Variants in OR13C5 observed in about 807,000 individuals in gnomAD.
The protein encoded by OR13C5 is olfactory receptor 13C5.
A neutral mutation model predicts 12.4 loss-of-function variants in OR13C5; 9 were observed. The ratio of observed to expected loss-of-function variants is 0.72; its 90% CI spans 0.44 to 1.26. The LOEUF is 1.26. Among genes scored for constraint, OR13C5 ranks in the 50% most tolerant of loss-of-function variants. The pLI is 0.00. For missense variants in OR13C5, 361 were observed against 374.4 expected, an observed-to-expected ratio of 0.96 and a Z score of 0.29; for synonymous variants, 124 against 139.4, an observed-to-expected ratio of 0.89 and a Z score of 0.78.
rs1273058392 is a variant in OR13C5 at position 104,599,131 on chromosome 9, A to G, written c.283T>C (p.Ser95Pro). The G allele has an allele frequency of 6.2e-7, 1 of 1,613,328 alleles. No individual in the cohort carries two copies. The highest frequency in any genetic ancestry group is 8.5e-7 in the Non-Finnish European group (1 of 1,179,852). ...FLSERKTISL[S>P]GCAVQMFLSL... The stretch of plus-strand genomic sequence containing the variant: ...AGGAACATCTGCACTGCACAGCCAG[A>G]AAGGGAAATGGTCTTTCTTTCTGAA... Residue 95 changes from serine (S) to proline (P), a missense_variant, in exon 1 of 1, where the codon TCT (serine) becomes CCT (proline). Around this residue, in one of 2 missense-constraint regions of OR13C5, gnomAD observed 294 missense variants for 268.0 expected, o/e 1.10. Transcript: ENST00000374779.
Position 104,598,855 on chromosome 9 carries a change from G to A in OR13C5, c.559C>T (p.Leu187=), listed in dbSNP as rs1826228101. The A allele has an allele frequency of 2.5e-6, 4 of 1,614,072 alleles. No individual in the cohort carries two copies. In the East Asian group the frequency reaches 6.7e-5, roughly 27 times the overall value. ...TTGCCTGAGATGTCAGCACAGGCCA[G>A]TTTCATGACAGCTAGAATTTCACAG... is the stretch of plus-strand genomic sequence containing the variant. ...FTCEILAVMK[L]ACADISGNEF... Residue 187 remains leucine (L), a synonymous_variant, in exon 1 of 1, where the codon CTG becomes TTG. Coordinates refer to ENST00000374779, the MANE Select transcript of OR13C5 (RefSeq NM_001004482.1).
At position 104,599,141 on chromosome 9, in the gene OR13C5, G is replaced by A; in HGVS notation, c.273C>T (p.Thr91=). ...GCACTGCACAGCCAGAAAGGGAAAT[G>A]GTCTTTCTTTCTGAAAGGAAGCTCA... ...TLVSFLSERK[T]ISLSGCAVQM... Residue 91 remains threonine, a synonymous_variant, in exon 1 of 1, where the codon ACC becomes ACT. Transcript: ENST00000374779. 2 of 1,613,118 alleles carry A rather than the reference G, an allele frequency of 1.2e-6. No individual in the cohort carries two copies. Among genetic ancestry groups the A allele is most frequent in the Non-Finnish European group, 1.7e-6 (2 of 1,179,818 alleles).
rs373750224 is a variant in OR13C5 at position 104,598,908 on chromosome 9, C to A, written c.506G>T (p.Cys169Phe). The change falls in exon 1 of 1, where the codon TGC (cysteine) becomes TTC (phenylalanine). Residue 169 changes from cysteine to phenylalanine, a missense_variant. Cys to Phe is a radical substitution (Grantham distance 205). Coordinates refer to ENST00000374779, the MANE Select transcript of OR13C5 (RefSeq NM_001004482.1). ...GAAATGATTGATGATGTTATTCCTG[C>A]AGAAAGGCAATTGTACCACAAACAC... ...QTVFVVQLPF[C>F]RNNIINHFTC... 3.1e-6 allele frequency: 5 copies of A among 1,613,934 alleles called. No individual in the cohort carries two copies. In the African/African-American group the frequency reaches 6.7e-5, roughly 22 times the overall value.
In OR13C5 at chr9:104,599,076, A is replaced by T; in HGVS notation, c.338T>A (p.Val113Glu). 1 of 1,613,196 alleles carries T rather than the reference A, an allele frequency of 6.2e-7. No individual in the cohort carries two copies. Among genetic ancestry groups the T allele is most frequent in the Non-Finnish European group, 8.5e-7 (1 of 1,179,934 alleles). Residue 113 changes from valine (V) to glutamate (E), a missense_variant, in exon 1 of 1, where the codon GTG becomes GAG. Around this residue, in one of 2 missense-constraint regions of OR13C5, gnomAD observed 294 missense variants for 268.0 expected, o/e 1.10. Coordinates refer to ENST00000374779, the MANE Select transcript of OR13C5 (RefSeq NM_001004482.1). The part of the protein sequence containing the change: ...LSLAMGTTEC[V>E]LLGVMAFDRY... Reference sequence around the variant, plus strand: ...GTCAAAGGCCATCACGCCCAGAAGCACACACTCTGTTGTCCCCATGGCCAA... The same window carrying T: ...GTCAAAGGCCATCACGCCCAGAAGCTCACACTCTGTTGTCCCCATGGCCAA...
At position 104,598,641 on chromosome 9, in the gene OR13C5, A is replaced by G. The variant is rs1851724; in HGVS notation, c.773T>C (p.Met258Thr). 0.48 allele frequency: 779,780 copies of G among 1,613,240 alleles called. 199,401 individuals are homozygous for G. The highest frequency in any genetic ancestry group is 0.97 in the East Asian group (43,634 of 44,852). ...VITFCGTIFL[M>T]YMKPKSQETL... ...CTCTTGAGACTTGGGCTTCATGTAC[A>G]TGAGGAAGATGGTCCCACAGAATGT... Residue 258 changes from methionine to threonine, a missense_variant, in exon 1 of 1, where the codon ATG becomes ACG. Met to Thr is a moderately conservative substitution (Grantham distance 81). Around this residue, in one of 2 missense-constraint regions of OR13C5, gnomAD observed 294 missense variants for 268.0 expected, o/e 1.10. Coordinates refer to ENST00000374779, the MANE Select transcript of OR13C5 (RefSeq NM_001004482.1).
chr9:104,598,589 G>A lies in OR13C5; in HGVS notation c.825C>T (p.Ala275=). ...QETLNSDDLD[A]TDKLIFIFYR... ...AGAATATGAATATAAGTTTGTCAGT[G>A]GCATCCAAGTCATCTGAATTAAGTG... is the stretch of plus-strand genomic sequence containing the variant. The change falls in exon 1 of 1, where the codon GCC becomes GCT. Residue 275 remains alanine (A), a synonymous_variant. Transcript: ENST00000374779. The A allele has an allele frequency of 6.2e-7, 1 of 1,613,592 alleles. No individual in the cohort carries two copies. Among genetic ancestry groups the A allele is most frequent in the South Asian group, 1.1e-5 (1 of 91,078 alleles).
rs755567466 is a variant in OR13C5 at position 104,599,244 on chromosome 9, G to A, written c.170C>T (p.Thr57Ile). 5.6e-6 allele frequency: 9 copies of A among 1,608,996 alleles called. No homozygotes were observed. The East Asian group carries it at 1.8e-4, about 32-fold the overall frequency. ...LISILDPHLH[T>I]PMYFFLGNLS... ...GTTCCCCAGAAAGAAGTACATAGGG[G>A]TGTGAAGGTGAGGGTCCAAGATGCT... Residue 57 changes from threonine to isoleucine, a missense_variant, in exon 1 of 1, where the codon ACC (threonine) becomes ATC (isoleucine). Physicochemically the swap from Thr to Ile is moderately conservative, Grantham distance 89. Coordinates refer to ENST00000374779, the MANE Select transcript of OR13C5 (RefSeq NM_001004482.1).
Position 104,598,615 on chromosome 9 carries a change from T to A in OR13C5, c.799A>T (p.Thr267Ser), listed in dbSNP as rs150758531. Residue 267 changes from threonine (T) to serine (S), a missense_variant, in exon 1 of 1, where the codon ACA becomes TCA. Coordinates refer to ENST00000374779, the MANE Select transcript of OR13C5 (RefSeq NM_001004482.1). ...GCATCCAAGTCATCTGAATTAAGTG[T>A]CTCTTGAGACTTGGGCTTCATGTAC... Reference protein sequence around the residue: ...LMYMKPKSQETLNSDDLDATD... With the variant: ...LMYMKPKSQESLNSDDLDATD... 1.4e-5 allele frequency: 22 copies of A among 1,613,884 alleles called. No homozygotes were observed. In the African/African-American group the frequency reaches 2.3e-4, roughly 17 times the overall value.
chr9:104,598,523 A>G lies in OR13C5; in HGVS notation c.891T>C (p.Ser297=), dbSNP rs751705144. The change falls in exon 1 of 1, where the codon AGT becomes AGC. Residue 297 remains serine, a synonymous_variant. Transcript: ENST00000374779. The part of the protein sequence containing the change: ...MTPMMNPLIY[S]LRNKDVKEAV... The stretch of plus-strand genomic sequence containing the variant: ...CCTCCTTCACATCCTTGTTTCTAAG[A>G]CTGTAGATTAAAGGATTCATCATGG... The G allele has an allele frequency of 6.2e-6, 10 of 1,611,764 alleles. No individual in the cohort carries two copies. In the South Asian group the frequency reaches 9.9e-5, roughly 16 times the overall value.
chr9:104,598,821 A>C lies in OR13C5; in HGVS notation c.593T>G (p.Ile198Ser), dbSNP rs768783643. Residue 198 changes from isoleucine (I) to serine (S), a missense_variant, in exon 1 of 1, where the codon ATC (isoleucine) becomes AGC (serine). Physicochemically the swap from Ile to Ser is moderately radical, Grantham distance 142 (BLOSUM62 -2). Coordinates refer to ENST00000374779, the MANE Select transcript of OR13C5 (RefSeq NM_001004482.1). ...ACADISGNEFILLVTTTLFLL... is the reference protein window; with the variant it reads ...ACADISGNEFSLLVTTTLFLL... ...GAACAATGTTGTGGTCACAAGCAGG[A>C]TGAACTCATTGCCTGAGATGTCAGC... The C allele has an allele frequency of 2.5e-6, 4 of 1,614,006 alleles. No individual in the cohort carries two copies. In the East Asian group the frequency reaches 8.9e-5, roughly 36 times the overall value.
chr9:104,598,938 T>G lies in OR13C5; in HGVS notation c.476A>C (p.Gln159Pro), dbSNP rs756947750. 1.2e-6 allele frequency: 2 copies of G among 1,613,998 alleles called. No individual in the cohort carries two copies. Among genetic ancestry groups the G allele is most frequent in the East Asian group, 4.5e-5 (2 of 44,860 alleles). ...AGGCAATTGTACCACAAACACTGTTTGTACTGCAGAATTGACAGCTCCTAT... is the reference window on the plus strand; with the variant it reads ...AGGCAATTGTACCACAAACACTGTTGGTACTGCAGAATTGACAGCTCCTAT... ...WIIGAVNSAV[Q>P]TVFVVQLPFC... The change falls in exon 1 of 1, where the codon CAA (glutamine) becomes CCA (proline). Residue 159 changes from glutamine (Q) to proline (P), a missense_variant. By Grantham distance (76) the Gln-to-Pro change is moderately conservative (BLOSUM62 -1). Transcript: ENST00000374779.
In OR13C5 at chr9:104,598,865, A is replaced by G. The variant is rs1377285231; in HGVS notation, c.549T>C (p.Ala183=). 6.2e-7 allele frequency: 1 copy of G among 1,614,002 alleles called. No individual in the cohort carries two copies. Among genetic ancestry groups the G allele is most frequent in the Non-Finnish European group, 8.5e-7 (1 of 1,179,986 alleles). ...TGTCAGCACAGGCCAGTTTCATGAC[A>G]GCTAGAATTTCACAGGTGAAATGAT... ...IINHFTCEIL[A]VMKLACADIS... The change falls in exon 1 of 1, where the codon GCT becomes GCC. Residue 183 remains alanine, a synonymous_variant. Coordinates refer to ENST00000374779, the MANE Select transcript of OR13C5 (RefSeq NM_001004482.1).
At position 104,598,834 on chromosome 9, in the gene OR13C5, C is replaced by T; in HGVS notation, c.580G>A (p.Gly194Ser). ...VMKLACADISGNEFILLVTTT... is the reference protein window; with the variant it reads ...VMKLACADISSNEFILLVTTT... ...GTCACAAGCAGGATGAACTCATTGCCTGAGATGTCAGCACAGGCCAGTTTC... is the reference window on the plus strand; with the variant it reads ...GTCACAAGCAGGATGAACTCATTGCTTGAGATGTCAGCACAGGCCAGTTTC... Residue 194 changes from glycine (G) to serine (S), a missense_variant, in exon 1 of 1, where the codon GGC (glycine) becomes AGC (serine). Physicochemically the swap from Gly to Ser is moderately conservative, Grantham distance 56. Around this residue, in one of 2 missense-constraint regions of OR13C5, gnomAD observed 294 missense variants for 268.0 expected, o/e 1.10. Coordinates refer to ENST00000374779, the MANE Select transcript of OR13C5 (RefSeq NM_001004482.1). The T allele has an allele frequency of 6.2e-7, 1 of 1,614,046 alleles. No individual in the cohort carries two copies. Among genetic ancestry groups the T allele is most frequent in the Non-Finnish European group, 8.5e-7 (1 of 1,179,962 alleles).
In OR13C5 at chr9:104,599,177, G is replaced by A; in HGVS notation, c.237C>T (p.Pro79=). ...LDICYTTTSI[P]STLVSFLSER... ...CTGAAAGGAAGCTCACTAGCGTGGA[G>A]GGAATAGAGGTGGTGGTGTAGCAGA... The change falls in exon 1 of 1, where the codon CCC becomes CCT. Residue 79 remains proline, a synonymous_variant. Transcript: ENST00000374779. 1 of 1,611,986 alleles carries A rather than the reference G, an allele frequency of 6.2e-7. No homozygotes were observed. The highest frequency in any genetic ancestry group is 8.5e-7 in the Non-Finnish European group (1 of 1,179,054).
At position 104,599,076 on chromosome 9, in the gene OR13C5, A is replaced by C; in HGVS notation, c.338T>G (p.Val113Gly). Residue 113 changes from valine to glycine, a missense_variant, in exon 1 of 1, where the codon GTG (valine) becomes GGG (glycine). Coordinates refer to ENST00000374779, the MANE Select transcript of OR13C5 (RefSeq NM_001004482.1). ...LSLAMGTTEC[V>G]LLGVMAFDRY... is the part of the protein sequence containing the mutation. ...GTCAAAGGCCATCACGCCCAGAAGC[A>C]CACACTCTGTTGTCCCCATGGCCAA... 6.2e-7 allele frequency: 1 copy of C among 1,613,196 alleles called. No homozygotes were observed. The highest frequency in any genetic ancestry group is 8.5e-7 in the Non-Finnish European group (1 of 1,179,934).
chr9:104,598,851 G>T lies in OR13C5; in HGVS notation c.563C>A (p.Ala188Asp), dbSNP rs1391421313. ...TCEILAVMKL[A>D]CADISGNEFI... ...CTCATTGCCTGAGATGTCAGCACAG[G>T]CCAGTTTCATGACAGCTAGAATTTC... Residue 188 changes from alanine to aspartate, a missense_variant, in exon 1 of 1, where the codon GCC becomes GAC. Physicochemically the swap from Ala to Asp is moderately radical, Grantham distance 126. This residue lies in a region of OR13C5 where 294 missense variants were observed against 268.0 expected (regional missense o/e 1.10). Coordinates refer to ENST00000374779, the MANE Select transcript of OR13C5 (RefSeq NM_001004482.1). The T allele has an allele frequency of 1.9e-6, 3 of 1,613,948 alleles. No homozygotes were observed. Among genetic ancestry groups the T allele is most frequent in the Non-Finnish European group, 2.5e-6 (3 of 1,179,978 alleles).
At position 104,598,985 on chromosome 9, in the gene OR13C5, G is replaced by T. The variant is rs1320343640; in HGVS notation, c.429C>A (p.Pro143=). 1 of 1,613,908 alleles carries T rather than the reference G, an allele frequency of 6.2e-7. No individual in the cohort carries two copies. Residue 143 remains proline, a synonymous_variant, in exon 1 of 1, where the codon CCC becomes CCA. Transcript: ENST00000374779. The part of the protein sequence containing the change: ...PIIMSKDAYV[P]MAAGSWIIGA... ...CTATGATCCAGGACCCAGCTGCCAT[G>T]GGTACATAGGCATCCTTACTCATGA... is the stretch of plus-strand genomic sequence containing the variant.
In OR13C5 at chr9:104,599,014, T is replaced by C. The variant is rs41297189; in HGVS notation, c.400A>G (p.Ile134Val). 1.5e-3 allele frequency: 2,357 copies of C among 1,613,868 alleles called. 4 individuals are homozygous for C. Among genetic ancestry groups the C allele is most frequent in the Non-Finnish European group, 1.7e-3 (2,010 of 1,179,938 alleles). ...VAICNPLRYPIIMSKDAYVPM... is the reference protein window; with the variant it reads ...VAICNPLRYPVIMSKDAYVPM... ...ACATAGGCATCCTTACTCATGATGA[T>C]GGGATATCTCAGAGGGTTGCAGATA... Residue 134 changes from isoleucine (I) to valine (V), a missense_variant, in exon 1 of 1, where the codon ATC becomes GTC. This residue lies in a region of OR13C5 where 294 missense variants were observed against 268.0 expected (regional missense o/e 1.10). Transcript: ENST00000374779.
Position 104,598,604 on chromosome 9 carries a change from T to A in OR13C5, c.810A>T (p.Ser270=), listed in dbSNP as rs77738503. The A allele has an allele frequency of 6.2e-7, 1 of 1,613,890 alleles. No individual in the cohort carries two copies. Among genetic ancestry groups the A allele is most frequent in the East Asian group, 2.2e-5 (1 of 44,850 alleles). ...MKPKSQETLN[S]DDLDATDKLI... Reference sequence around the variant, plus strand: ...GTTTGTCAGTGGCATCCAAGTCATCTGAATTAAGTGTCTCTTGAGACTTGG... The same window carrying A: ...GTTTGTCAGTGGCATCCAAGTCATCAGAATTAAGTGTCTCTTGAGACTTGG... Residue 270 remains serine, a synonymous_variant, in exon 1 of 1, where the codon TCA becomes TCT. Transcript: ENST00000374779.
Sources: allele counts gnomAD v4.1 joint callset, GRCh38; gene constraint gnomAD v4.1.1; regional missense constraint gnomAD v4.1.1; transcripts MANE v1.5; gene names NCBI Gene and HGNC (gene_info 2026-07-23, HGNC 2026-07-21).